The following IL1RAP variants were observed in gnomAD, a reference collection of about 807,000 sequenced individuals.
IL1RAP encodes interleukin 1 receptor accessory protein.
Under a neutral mutation model 60.7 loss-of-function variants are expected in IL1RAP, and 35 were observed. That is an observed-to-expected ratio of 0.58 (90% CI 0.44 to 0.76). The LOEUF (loss-of-function observed/expected upper bound fraction) is 0.76, where lower values mean the gene tolerates loss of function less well. Among genes scored for constraint, IL1RAP ranks in the 30% least tolerant of loss-of-function variants. IL1RAP has a pLI of 0.00. For synonymous variants in IL1RAP, 268 were observed against 250.9 expected (o/e 1.07, Z -0.64); for missense variants, 572 against 693.9 (o/e 0.82, Z 1.97).
At chr3:190,621,604 G>A (rs889824112) in intron 6 of IL1RAP, among the ~76,000 whole-genome samples, 6 of 152,094 alleles carry the variant, frequency 3.9e-5, no homozygotes, top group Middle Eastern at 3.2e-3. Context: ...TGGGCACTGG[G>A]GGCTTCTTTC....
intron 3 of IL1RAP, among the ~76,000 whole-genome samples, chr3:190,601,300 T>C (rs933237513): frequency 1.3e-5 from 2 of 152,254 alleles, no homozygotes; most frequent in Non-Finnish European, 2.9e-5. Flanking sequence ...TTGGTTATAC[T>C]TTTATATAAA....
chr3:190,592,820 A>G (rs1729057382), intron 3 of IL1RAP, among the ~76,000 whole-genome samples: 1 of 152,130 alleles, frequency 6.6e-6, no homozygotes, highest in African/African-American at 2.4e-5. Context: ...GTCAGGGTTC[A>G]CTTTCCTTTC....
chr3:190,577,240 A>G (rs762594142), intron 3 of IL1RAP, among the ~76,000 whole-genome samples: 2 of 152,196 alleles, frequency 1.3e-5, no homozygotes, highest in Admixed American at 1.3e-4. Context: ...TTTATGGTAG[A>G]TGTTTCTGTA....
At chr3:190,659,314 G>A (rs548171936) in exon 12 of IL1RAP, 1 of 152,180 alleles carries the variant, frequency 6.6e-6, no homozygotes, top group South Asian at 2.1e-4. Context: ...CTACATTTTG[G>A]CAAGTATCAA....
Position 190,576,433 on chromosome 3 carries a change from A to G in IL1RAP, c.64+12080A>G, listed in dbSNP as rs141788194. ...ATGGAAAAATTGGCAAAGATTTGAA[A>G]CTAGCAGTTCAGGCAGTCAAAAACA... On this transcript the variant is annotated intron_variant, in intron 3 of 11. Transcript: ENST00000447382. Among the ~76,000 whole-genome samples, 13 of 152,262 alleles carry G rather than the reference A, an allele frequency of 8.5e-5. No homozygotes were observed. In the East Asian group the frequency reaches 2.3e-3, roughly 27 times the overall value.
intron 9 of IL1RAP, among the ~76,000 whole-genome samples, chr3:190,632,912 C>A (rs1365420146): frequency 6.6e-6 from 1 of 152,154 alleles, no homozygotes; most frequent in East Asian, 1.9e-4. Context: ...GAATATAGAT[C>A]TATTTCTGCA....
At chr3:190,592,355 G>T (rs1249747274) in intron 3 of IL1RAP, among the ~76,000 whole-genome samples, 1 of 152,164 alleles carries the variant, frequency 6.6e-6, no homozygotes, top group Non-Finnish European at 1.5e-5. Context: ...GCTATTAGAT[G>T]ATGTTACTGT....
At chr3:190,618,110 C>T (rs1233206676) in intron 5 of IL1RAP, among the ~76,000 whole-genome samples, 15 of 152,110 alleles carry the variant, frequency 9.9e-5, no homozygotes, top group Non-Finnish European at 2.9e-5. Context: ...CAGGCTGGCT[C>T]CAGGGATGGC....
At chr3:190,555,434 A>G (rs1224357397) in intron 1 of IL1RAP, among the ~76,000 whole-genome samples, 1 of 152,220 alleles carries the variant, frequency 6.6e-6, no homozygotes, top group African/African-American at 2.4e-5. Flanking sequence ...AACATACAGA[A>G]AAAGTTACAG....
chr3:190,608,641 C>G (rs138598811), intron 4 of IL1RAP, among the ~76,000 whole-genome samples: 1 of 150,806 alleles, frequency 6.6e-6, no homozygotes, highest in Non-Finnish European at 1.5e-5. Context: ...AATAGAAATT[C>G]TTGAGCTCTA....
chr3:190,627,467 AAGGGAG>A lies in IL1RAP; in HGVS notation c.902+19_902+24del, dbSNP rs776551665. On this transcript the variant is annotated intron_variant, in intron 8 of 11. Transcript: ENST00000447382. ...AACGAAAGGTATCATGGGGGCCAGC[AAGGGAG>A]TGATTAACCTTTGTTTCTCAACTTA... is the stretch of plus-strand genomic sequence containing the variant. 15 of 1,605,798 alleles carry A rather than the reference AAGGGAG, an allele frequency of 9.3e-6. No homozygotes were observed. The highest frequency in any genetic ancestry group is 1.7e-5 in the Admixed American group (1 of 58,096).
chr3:190,534,490 T>C (rs1290836192), intron 1 of IL1RAP, among the ~76,000 whole-genome samples: 1 of 152,158 alleles, frequency 6.6e-6, no homozygotes, highest in Non-Finnish European at 1.5e-5. Context: ...GTGCTGCCTA[T>C]AGGACCTTGG....
At chr3:190,595,261 A>C (rs1199140534) in intron 3 of IL1RAP, among the ~76,000 whole-genome samples, 1 of 152,226 alleles carries the variant, frequency 6.6e-6, no homozygotes, top group East Asian at 1.9e-4. Context: ...TAAATGAAGG[A>C]ATAATGCCAC....
intron 1 of IL1RAP, among the ~76,000 whole-genome samples, chr3:190,514,477 C>T (rs955541154): frequency 2.6e-5 from 4 of 152,102 alleles, no homozygotes; most frequent in Non-Finnish European, 5.9e-5. Context: ...CTCGTTGCCG[C>T]CCCCATCCTC....
intron 1 of IL1RAP, among the ~76,000 whole-genome samples, chr3:190,554,282 A>C (rs1286111478): frequency 6.6e-6 from 1 of 151,950 alleles, no homozygotes. Context: ...AAAAAAAGGA[A>C]ACGGGCTCTC....
chr3:190,654,817 A>G (rs1206163077), downstream of IL1RAP, among the ~76,000 whole-genome samples: 1 of 152,130 alleles, frequency 6.6e-6, no homozygotes, highest in African/African-American at 2.4e-5. Context: ...ACAATTTTGA[A>G]CCTTTTTCCT....
intron 1 of IL1RAP, among the ~76,000 whole-genome samples, chr3:190,542,861 T>A (rs1182617436): frequency 6.7e-6 from 1 of 148,426 alleles, no homozygotes; most frequent in Non-Finnish European, 1.5e-5. Flanking sequence ...CACTGTAACA[T>A]ACACAAAGAT....
chr3:190,615,888 C>G (rs749455716), intron 5 of IL1RAP, among the ~76,000 whole-genome samples: 10 of 152,080 alleles, frequency 6.6e-5, no homozygotes, highest in Non-Finnish European at 1.3e-4. Flanking sequence ...GTGTAGTAAG[C>G]CTTATTTTTT....
At chr3:190,624,629 A>C (rs5003916) in intron 7 of IL1RAP, 127,519 of 187,574 alleles carry the variant, frequency 0.68, 44,094 homozygotes, top group East Asian at 0.82. Context: ...TAAAAAAAAA[A>C]GGTGGAAAAA....
Sources: allele counts gnomAD v4.1 joint callset (sites outside exome capture counted in the v4.1 genomes callset), GRCh38; gene constraint gnomAD v4.1.1; transcripts MANE v1.5; gene names NCBI Gene and HGNC (gene_info 2026-07-23, HGNC 2026-07-21).